SLC24A4: variants seen among roughly 807,000 people sequenced by gnomAD.
SLC24A4 encodes solute carrier family 24 member 4.
Under a neutral mutation model 79.0 loss-of-function variants are expected in SLC24A4, and 53 were observed. The observed-to-expected ratio is 0.67, with a 90% CI of 0.54 to 0.84. SLC24A4 has a LOEUF of 0.84. Among genes scored for constraint, SLC24A4 ranks in the 40% least tolerant of loss-of-function variants. The pLI is 0.00. For synonymous variants in SLC24A4, 323 were observed against 323.8 expected (o/e 1.00, Z 0.03); for missense variants, 731 against 822.0 (o/e 0.89, Z 1.35).
At chr14:92,400,325 G>A (rs987770890) in intron 2 of SLC24A4, among the ~76,000 whole-genome samples, 11 of 151,640 alleles carry the variant, frequency 7.3e-5, no homozygotes, top group Non-Finnish European at 1.5e-4. Flanking sequence ...TGTAGTCCCA[G>A]CTACTCGGGA....
At chr14:92,362,468 C>T (rs1031751366) in intron 2 of SLC24A4, among the ~76,000 whole-genome samples, 9 of 152,240 alleles carry the variant, frequency 5.9e-5, no homozygotes, top group Non-Finnish European at 1.0e-4. Flanking sequence ...GGTAGATGGA[C>T]CGGTTGGGCA....
At chr14:92,423,383 A>G (rs1891393268) in intron 2 of SLC24A4, among the ~76,000 whole-genome samples, 1 of 152,124 alleles carries the variant, frequency 6.6e-6, no homozygotes, top group Non-Finnish European at 1.5e-5. Flanking sequence ...GGACTCAAGC[A>G]ATCTGCCTGC....
chr14:92,380,381 G>A (rs539419821), intron 2 of SLC24A4, among the ~76,000 whole-genome samples: 10 of 152,302 alleles, frequency 6.6e-5, no homozygotes, highest in African/African-American at 2.2e-4. Context: ...CTGGCACGTG[G>A]CCGCATTCCT....
chr14:92,364,673 TC>T lies in SLC24A4; in HGVS notation c.241+38698del, dbSNP rs1887723407. ...TCTGTCCCTCTGCCTGCTGCACTCA[TC>T]CCTCATCTGTGCATGGCTGGCCCCT... On this transcript the variant is annotated intron_variant, in intron 2 of 16. Coordinates refer to ENST00000532405, the MANE Select transcript of SLC24A4 (RefSeq NM_153646.4). Among the ~76,000 whole-genome samples, 3 of 152,106 alleles carry T rather than the reference TC, an allele frequency of 2.0e-5. No individual in the cohort carries two copies. In the South Asian group the frequency reaches 6.2e-4, roughly 31 times the overall value.
In SLC24A4 at chr14:92,334,096, A is replaced by G. The variant is rs144424559; in HGVS notation, c.241+8118A>G. On this transcript the variant is annotated intron_variant, in intron 2 of 16. Transcript: ENST00000532405. Reference sequence around the variant, plus strand: ...GGATTCTGAACAAACGTCTGTTGGAATGATGCCTCAGTGGACTTGGGAGAC... The same window carrying G: ...GGATTCTGAACAAACGTCTGTTGGAGTGATGCCTCAGTGGACTTGGGAGAC... Among the ~76,000 whole-genome samples the G allele has an allele frequency of 2.4e-4, 36 of 152,340 alleles. No individual in the cohort carries two copies. In the East Asian group the frequency reaches 3.9e-3, roughly 16 times the overall value.
chr14:92,414,534 G>C (rs10467861), intron 2 of SLC24A4, among the ~76,000 whole-genome samples: 1 of 152,002 alleles, frequency 6.6e-6, no homozygotes, highest in African/African-American at 2.4e-5. Context: ...CCCGGAGTAC[G>C]AGACCAGCCT....
chr14:92,473,055 C>G (rs562958143), intron 12 of SLC24A4, among the ~76,000 whole-genome samples: 33 of 152,350 alleles, frequency 2.2e-4, no homozygotes, highest in Non-Finnish European at 3.7e-4. Flanking sequence ...TGCGGCACAC[C>G]CTGCCTCCTG....
intron 2 of SLC24A4, among the ~76,000 whole-genome samples, chr14:92,369,305 G>C (rs1285094153): frequency 1.3e-5 from 2 of 152,200 alleles, no homozygotes; most frequent in African/African-American, 4.8e-5. Flanking sequence ...ATGATTCCCA[G>C]CATGAAAGTA....
Position 92,463,871 on chromosome 14 carries a change from G to A in SLC24A4, c.1255+7263G>A, listed in dbSNP as rs188653075. Among the ~76,000 whole-genome samples the A allele has an allele frequency of 6.1e-3, 932 of 152,162 alleles. 13 individuals carry two copies. The highest frequency in any genetic ancestry group is 5.2e-3 in the Non-Finnish European group (356 of 68,020). ...TTATGTCTTTGGACTTATCGATTCT[G>A]AATATTTCATATAAAGAGGATCACG... is the stretch of plus-strand genomic sequence containing the variant. On this transcript the variant is annotated intron_variant, in intron 12 of 16. Coordinates refer to ENST00000532405, the MANE Select transcript of SLC24A4 (RefSeq NM_153646.4).
At chr14:92,386,453 C>T (rs951997606) in intron 2 of SLC24A4, among the ~76,000 whole-genome samples, 3 of 152,178 alleles carry the variant, frequency 2.0e-5, no homozygotes, top group African/African-American at 7.2e-5. Flanking sequence ...GGAGTGCCTA[C>T]AATCTGCGGG....
chr14:92,439,382 T>A lies in SLC24A4; in HGVS notation c.366T>A (p.Phe122Leu). Residue 122 changes from phenylalanine to leucine, a missense_variant, in exon 4 of 17, where the codon TTT becomes TTA. Coordinates refer to ENST00000532405, the MANE Select transcript of SLC24A4 (RefSeq NM_153646.4). The part of the protein sequence containing the change: ...YALAIVCDDF[F>L]VPSLEKICER... Reference sequence around the variant, plus strand: ...TGGCCATAGTGTGCGATGACTTCTTTGTTCCGTCTCTAGAGAAGATCTGTG... The same window carrying A: ...TGGCCATAGTGTGCGATGACTTCTTAGTTCCGTCTCTAGAGAAGATCTGTG... 5.0e-6 allele frequency: 8 copies of A among 1,613,100 alleles called. No homozygotes were observed. The highest frequency in any genetic ancestry group is 6.8e-6 in the Non-Finnish European group (8 of 1,179,120).
chr14:92,333,035 C>G (rs1885566697), intron 2 of SLC24A4, among the ~76,000 whole-genome samples: 1 of 152,204 alleles, frequency 6.6e-6, no homozygotes, highest in Admixed American at 6.5e-5. Context: ...CGTTTGCCTG[C>G]ATAACTGGGA....
intron 3 of SLC24A4, among the ~76,000 whole-genome samples, chr14:92,434,325 T>C (rs1354370822): frequency 6.6e-6 from 1 of 152,188 alleles, no homozygotes; most frequent in Non-Finnish European, 1.5e-5. Context: ...GCGTGGCACA[T>C]GATAACTCCT....
rs531335487 is a variant in SLC24A4, at chr14:92,376,098, G to T, written c.241+50120G>T. ...GTTTGCTGTGAGGCCAAATAAATGA[G>T]TTGGGGAGGATCTGCAAGTGCGTGT... is the stretch of plus-strand genomic sequence containing the variant. On this transcript the variant is annotated intron_variant, in intron 2 of 16. Coordinates refer to ENST00000532405, the MANE Select transcript of SLC24A4 (RefSeq NM_153646.4). Among the ~76,000 whole-genome samples, 14 of 150,968 alleles carry T rather than the reference G, an allele frequency of 9.3e-5. No homozygotes were observed. The East Asian group carries it at 2.3e-3, about 25-fold the overall frequency.
At chr14:92,367,494 T>C (rs938347439) in intron 2 of SLC24A4, among the ~76,000 whole-genome samples, 4 of 152,182 alleles carry the variant, frequency 2.6e-5, no homozygotes, top group Non-Finnish European at 5.9e-5. Flanking sequence ...TATCCCAAGG[T>C]TGGTCTCCGG....
At chr14:92,409,240 A>T (rs574513575) in intron 2 of SLC24A4, among the ~76,000 whole-genome samples, 2 of 152,250 alleles carry the variant, frequency 1.3e-5, no homozygotes, top group South Asian at 2.1e-4. Flanking sequence ...AGAGGAAGAG[A>T]TATTGAGCAA....
At chr14:92,424,448 TC>T (rs1408876940) in intron 2 of SLC24A4, among the ~76,000 whole-genome samples, 1 of 152,162 alleles carries the variant, frequency 6.6e-6, no homozygotes, top group Non-Finnish European at 1.5e-5. Context: ...GGTATCTGCC[TC>T]TGGTGAGGGC....
intron 12 of SLC24A4, among the ~76,000 whole-genome samples, chr14:92,476,071 T>G (rs964606318): frequency 2.6e-5 from 4 of 152,188 alleles, no homozygotes; most frequent in Non-Finnish European, 4.4e-5. Flanking sequence ...AAACACCTCA[T>G]GCAGTTTGGT....
At chr14:92,401,806 G>A (rs758470248) in intron 2 of SLC24A4, among the ~76,000 whole-genome samples, 1 of 152,114 alleles carries the variant, frequency 6.6e-6, no homozygotes, top group Non-Finnish European at 1.5e-5. Context: ...AGTGTTGGGG[G>A]CAGGGAGGCA....
Sources: allele counts gnomAD v4.1 joint callset (sites outside exome capture counted in the v4.1 genomes callset), GRCh38; gene constraint gnomAD v4.1.1; transcripts MANE v1.5; gene names NCBI Gene and HGNC (gene_info 2026-07-23, HGNC 2026-07-21).